Variants in IRAG2 observed in about 807,000 individuals in gnomAD.
IRAG2 encodes lymphoid restricted membrane protein.
Under a neutral mutation model 69.9 loss-of-function variants are expected in IRAG2, and 45 were observed. The ratio of observed to expected loss-of-function variants is 0.64; its 90% CI spans 0.51 to 0.83. The LOEUF (loss-of-function observed/expected upper bound fraction) is 0.83. Ranked by LOEUF, IRAG2 falls within the 40% of genes least tolerant of loss-of-function variation. IRAG2 has a pLI of 0.00. For missense variants in IRAG2, 520 were observed against 587.0 expected, an observed-to-expected ratio of 0.89 and a Z score of 1.18; for synonymous variants, 193 against 202.4, an observed-to-expected ratio of 0.95 and a Z score of 0.40.
exon 3 of IRAG2, chr12:25,011,514 A>G: frequency 8.1e-7 from 1 of 1,231,738 alleles, no homozygotes; most frequent in Non-Finnish European, 1.0e-6. Context: ...TTTCCAGGCC[A>G]TGATGAAAGA....
chr12:25,070,369 A>G (rs920180929), intron 6 of IRAG2, among the ~76,000 whole-genome samples: 10 of 152,202 alleles, frequency 6.6e-5, no homozygotes, highest in African/African-American at 2.4e-4. Context: ...GATTCATACA[A>G]TATATGGCCT....
In IRAG2 at chr12:25,030,289, CA is replaced by C. The variant is rs1944658916; in HGVS notation, c.1474del (p.Thr492HisfsTer20). 4.1e-6 allele frequency: 5 copies of C among 1,231,668 alleles called. No individual in the cohort carries two copies. The East Asian group carries it at 1.6e-4, about 39-fold the overall frequency. The allele number at this position is 1,231,668 out of a possible 1,614,324, so 76.3% of individuals were successfully genotyped here. On this transcript the variant is annotated frameshift_variant, in exon 10 of 39. Coordinates refer to the IRAG2 transcript ENST00000636465. LOFTEE classifies it high-confidence loss of function. ...TCGTCTCTTTTCAGATGCAGTTACA[CA>C]CATATGAGAACACTTTGCTTAATAA...
At chr12:25,005,133 AG>A in intron 1 of IRAG2, 1 of 519,866 alleles carries the variant, frequency 1.9e-6, no homozygotes, top group Non-Finnish European at 3.0e-6. Context: ...TCTAAGGGGA[AG>A]GCTGTTTATT....
At chr12:25,053,167 C>T (rs1944963256) in intron 1 of IRAG2, among the ~76,000 whole-genome samples, 1 of 151,510 alleles carries the variant, frequency 6.6e-6, no homozygotes, top group Non-Finnish European at 1.5e-5. Flanking sequence ...TCCCTTTTTG[C>T]CTTTTTATTA....
chr12:25,004,889 T>TA lies in IRAG2; in HGVS notation c.555dup (p.Leu186IlefsTer5), dbSNP rs1326578409. 7 of 1,231,740 alleles carry TA rather than the reference T, an allele frequency of 5.7e-6. No homozygotes were observed. Among genetic ancestry groups the TA allele is most frequent in the South Asian group, 4.1e-5 (1 of 24,310 alleles). The allele number at this position is 1,231,740 out of a possible 1,614,324, so 76.3% of individuals were successfully genotyped here. A position where few individuals can be genotyped will look rare whatever the true frequency, so the allele number is the denominator to read the frequency against. On this transcript the variant is annotated frameshift_variant, in exon 1 of 39. Transcript: ENST00000636465. LOFTEE classifies it high-confidence loss of function. ...TGTTTTGATCCTCAGGATTCAGTGGTAAAAAAATTATCTCTGAATGAAGAT... is the reference window on the plus strand; with the variant it reads ...TGTTTTGATCCTCAGGATTCAGTGGTAAAAAAAATTATCTCTGAATGAAGAT...
At chr12:25,041,539 T>C (rs1478222048) in intron 16 of IRAG2, among the ~76,000 whole-genome samples, 2 of 152,080 alleles carry the variant, frequency 1.3e-5, no homozygotes, top group African/African-American at 2.4e-5. Context: ...TGGAGAGCAG[T>C]GGCACGATTT....
At position 25,101,255 on chromosome 12, in the gene IRAG2, C is replaced by T. The variant is rs115987035; in HGVS notation, c.819C>T (p.His273=). 3.4e-4 allele frequency: 556 copies of T among 1,611,734 alleles called. 2 individuals are homozygous for T. The East Asian group carries it at 9.9e-3, about 29-fold the overall frequency. Reference sequence around the variant, plus strand: ...TGAAGAGGATGTATGCCAAAGAGCACGCTGAATTAGAAGAACTGAAACAGG... The same window carrying T: ...TGAAGAGGATGTATGCCAAAGAGCATGCTGAATTAGAAGAACTGAAACAGG... ...ENLKRMYAKE[H]AELEELKQVL... The change falls in exon 16 of 22, where the codon CAC becomes CAT. Residue 273 remains histidine (H), a synonymous_variant. Coordinates refer to ENST00000556887, the MANE Select transcript of IRAG2 (RefSeq NM_001366544.2).
At chr12:25,085,327 GATGGAGTGGGAAGGTGGT>G (rs147100384) in intron 10 of IRAG2, among the ~76,000 whole-genome samples, 16,942 of 152,218 alleles carry the variant, frequency 0.11, 1,043 homozygotes, top group Middle Eastern at 0.15. Flanking sequence ...CAGAAGGGGG[GATGGAGTGGGAAGGTGGT>G]ATGGAATGGG....
chr12:25,101,180 A>C lies in IRAG2; in HGVS notation c.744A>C (p.Glu248Asp). The change falls in exon 16 of 22, where the codon GAA becomes GAC. Residue 248 changes from glutamate (E) to aspartate (D), a missense_variant and splice_region_variant. Glu to Asp is a conservative substitution (Grantham distance 45). Transcript: ENST00000556887. ...RAEMLGAINQ[E>D]SRVSKAVEVM... Reference sequence around the variant, plus strand: ...GTGCTCGTTTTTTCTCTTGCTAGGAAAGCCGGGTTAGTAAAGCAGTTGAAG... The same window carrying C: ...GTGCTCGTTTTTTCTCTTGCTAGGACAGCCGGGTTAGTAAAGCAGTTGAAG... 1 of 1,593,846 alleles carries C rather than the reference A, an allele frequency of 6.3e-7. No homozygotes were observed. The highest frequency in any genetic ancestry group is 8.5e-7 in the Non-Finnish European group (1 of 1,170,078).
At chr12:25,044,706 AC>A (rs1944778404) in intron 16 of IRAG2, among the ~76,000 whole-genome samples, 1 of 145,046 alleles carries the variant, frequency 6.9e-6, no homozygotes, top group Admixed American at 6.8e-5. Context: ...GGATCAACTC[AC>A]CAAGAAAATA....
Position 25,031,023 on chromosome 12 carries a change from T to C in IRAG2, c.1518+689T>C. 3.0e-6 allele frequency: 3 copies of C among 985,318 alleles called. 1 individual carries two copies. In the South Asian group the frequency reaches 1.4e-4, roughly 46 times the overall value. The allele number at this position is 985,318 out of a possible 1,614,324, so 61.0% of individuals were successfully genotyped here. A position where few individuals can be genotyped will look rare whatever the true frequency, so the allele number is the denominator to read the frequency against. On this transcript the variant is annotated intron_variant, in intron 10 of 38. Transcript: ENST00000636465. The stretch of plus-strand genomic sequence containing the variant: ...TAGCCAAGGATACCGGCTACAAAGG[T>C]GCTGGTTACGGTAACTTTAAGAGAC...
intron 10 of IRAG2, among the ~76,000 whole-genome samples, chr12:25,086,286 G>A (rs977946675): frequency 1.3e-5 from 2 of 152,128 alleles, no homozygotes; most frequent in Admixed American, 1.3e-4. Context: ...TCACGGGTAT[G>A]GGAAACGGTA....
At chr12:25,049,311 T>C (rs1944821733), upstream of IRAG2, among the ~76,000 whole-genome samples, 1 of 152,244 alleles carries the variant, frequency 6.6e-6, no homozygotes, top group Non-Finnish European at 1.5e-5. Context: ...GGGAATAGCA[T>C]TGAATCTATA....
At chr12:25,051,732 G>T (rs1396801103), upstream of IRAG2, among the ~76,000 whole-genome samples, 1 of 152,212 alleles carries the variant, frequency 6.6e-6, no homozygotes, top group Non-Finnish European at 1.5e-5. Context: ...TCCTGTGCTC[G>T]TGGCACGTGT....
intron 2 of IRAG2, among the ~76,000 whole-genome samples, chr12:25,009,454 TTAAGAAAGTAATTCTCTGAAGAAAA>T (rs902562891): frequency 6.6e-6 from 1 of 152,206 alleles, no homozygotes; most frequent in Non-Finnish European, 1.5e-5. Flanking sequence ...TGGACAGGAT[TTAAGAAAGTAATTCTCTGAAGAAAA>T]TAAGAAAGCT....
intron 19 of IRAG2, 22 bp from the exon 20 acceptor site, chr12:25,104,339 G>C: frequency 7.0e-7 from 1 of 1,433,550 alleles, no homozygotes; most frequent in Non-Finnish European, 9.8e-7. Flanking sequence ...TTTGACAAGT[G>C]GCTATAATCA....
intron 14 of IRAG2, among the ~76,000 whole-genome samples, chr12:25,095,523 A>G (rs1948364682): frequency 6.6e-6 from 1 of 152,112 alleles, no homozygotes; most frequent in Non-Finnish European, 1.5e-5. Context: ...AATCCTTTTT[A>G]TGTACTGTTG....
At chr12:25,103,543 A>T in intron 17 of IRAG2, 1 of 302,682 alleles carries the variant, frequency 3.3e-6, no homozygotes. Flanking sequence ...ATTATTTAAC[A>T]TAAAAAGAAA....
At chr12:25,053,985 A>T in intron 1 of IRAG2, among the ~76,000 whole-genome samples, 1 of 152,084 alleles carries the variant, frequency 6.6e-6, no homozygotes, top group East Asian at 1.9e-4. Context: ...TAATCCCAGC[A>T]TTTTGGGAGG....
Sources: gnomAD v4.1 joint callset for allele counts (sites outside exome capture counted in the v4.1 genomes callset) on GRCh38, gnomAD v4.1.1 for gene constraint, MANE v1.5 for transcripts, NCBI Gene and HGNC (gene_info 2026-07-23, HGNC 2026-07-21) for gene names.